Variants in PPP1R21 observed in about 807,000 individuals in gnomAD.
PPP1R21 encodes protein phosphatase 1 regulatory subunit 21.
Under a neutral mutation model 112.8 loss-of-function variants are expected in PPP1R21, and 85 were observed. That is an observed-to-expected ratio of 0.75 (90% CI 0.63 to 0.90). The LOEUF (loss-of-function observed/expected upper bound fraction) is 0.90, where lower values mean the gene tolerates loss of function less well. PPP1R21 is among the 40% of genes least tolerant of loss of function. PPP1R21 has a pLI of 0.00. For missense variants in PPP1R21, 1,199 were observed against 901.5 expected (o/e 1.33, Z -4.23); for synonymous variants, 381 against 322.3 (o/e 1.18, Z -1.95).
chr2:48,480,153 G>C (rs1485357802), intron 13 of PPP1R21, 137 bp downstream of exon 13: 1 of 668,360 alleles, frequency 1.5e-6, no homozygotes, highest in East Asian at 2.6e-5. Flanking sequence ...TATGTTGAGT[G>C]CACAGCTCAC....
At chr2:48,466,321 C>T (rs1395394951) in intron 9 of PPP1R21, among the ~76,000 whole-genome samples, 1 of 151,986 alleles carries the variant, frequency 6.6e-6, no homozygotes, top group Non-Finnish European at 1.5e-5. Context: ...AAGTGATCCT[C>T]CCACCTCAGC....
intron 1 of PPP1R21, among the ~76,000 whole-genome samples, chr2:48,448,395 C>G (rs538346504): frequency 2.2e-4 from 34 of 152,190 alleles, no homozygotes; most frequent in African/African-American, 7.7e-4. Context: ...CTGCAGTGTG[C>G]CTTAGAAATG....
At position 48,511,254 on chromosome 2, in the gene PPP1R21, C is replaced by A. The variant is rs559852694; in HGVS notation, c.2185-86C>A. On this transcript the variant is annotated intron_variant, in intron 20 of 21. Transcript: ENST00000294952. ...ATTGGGAAACTATAATTTCCCTACT[C>A]CACATTTTTCTTTTGTGAATTAAAA... 3.6e-5 allele frequency: 49 copies of A among 1,346,258 alleles called. 1 individual carries two copies. In the South Asian group the frequency reaches 6.5e-4, roughly 18 times the overall value. The allele number at this position is 1,346,258 out of a possible 1,614,324, so 83.4% of individuals were successfully genotyped here.
At chr2:48,449,036 C>T (rs888739615) in intron 1 of PPP1R21, among the ~76,000 whole-genome samples, 1 of 151,512 alleles carries the variant, frequency 6.6e-6, no homozygotes, top group African/African-American at 2.4e-5. Context: ...CTTTTTTTTT[C>T]AAGCAGGAAA....
chr2:48,512,647 A>G (rs62135171), intron 21 of PPP1R21, among the ~76,000 whole-genome samples: 35,538 of 152,174 alleles, frequency 0.23, 4,824 homozygotes, highest in Non-Finnish European at 0.31. Flanking sequence ...ATTATATATG[A>G]TTTTGTTTAT....
At position 48,450,995 on chromosome 2, in the gene PPP1R21, T is replaced by C; in HGVS notation, c.58-13T>C. The C allele has an allele frequency of 6.2e-7, 1 of 1,611,928 alleles. No individual in the cohort carries two copies. Among genetic ancestry groups the C allele is most frequent in the Non-Finnish European group, 8.5e-7 (1 of 1,178,086 alleles). On this transcript the variant is annotated splice_polypyrimidine_tract_variant and intron_variant, in intron 1 of 21. Transcript: ENST00000294952. ...TTATATTAGAAATTGATTATTGCTTTCTCTGTTTTCAGCTTCGGGCTCAGA... is the reference window on the plus strand; with the variant it reads ...TTATATTAGAAATTGATTATTGCTTCCTCTGTTTTCAGCTTCGGGCTCAGA...
chr2:48,511,504 A>G (rs776148765), intron 21 of PPP1R21, 36 bp downstream of exon 21: 12 of 1,598,094 alleles, frequency 7.5e-6, no homozygotes, highest in Non-Finnish European at 1.0e-5. Flanking sequence ...TCTCTGCAAT[A>G]TAATATTTAA....
At chr2:48,506,897 G>C (rs1275925614) in intron 18 of PPP1R21, among the ~76,000 whole-genome samples, 1 of 145,466 alleles carries the variant, frequency 6.9e-6, no homozygotes, top group Non-Finnish European at 1.5e-5. Context: ...AGTGAGCCAA[G>C]ACTGCGCCAC....
chr2:48,464,253 A>G (rs778806023), intron 7 of PPP1R21, among the ~76,000 whole-genome samples: 1 of 152,190 alleles, frequency 6.6e-6, no homozygotes, highest in South Asian at 2.1e-4. Flanking sequence ...TGACTATGCC[A>G]CAGGAACATT....
In PPP1R21 at chr2:48,495,735, C is replaced by T. The variant is rs1458562087; in HGVS notation, c.1656C>T (p.Leu552=). 1.2e-6 allele frequency: 2 copies of T among 1,612,098 alleles called. No homozygotes were observed. The highest frequency in any genetic ancestry group is 1.7e-5 in the Admixed American group (1 of 60,024). ...CACTGGCAAACCGCCGCATCCTTCT[C>T]AGCTCTACTGAAAGTCGAGAAGGCC... ...EEALANRRIL[L]SSTESREGLA... is the part of the protein sequence containing the mutation. Residue 552 remains leucine (L), a synonymous_variant, in exon 16 of 22, where the codon CTC becomes CTT. Coordinates refer to ENST00000294952, the MANE Select transcript of PPP1R21 (RefSeq NM_001135629.3).
Position 48,458,369 on chromosome 2 carries a change from C to T in PPP1R21, c.375+142C>T, listed in dbSNP as rs569126323. 2.0e-4 allele frequency: 108 copies of T among 536,938 alleles called. 1 individual carries two copies. The South Asian group carries it at 2.0e-3, about 10-fold the overall frequency. 33.3% of individuals were successfully genotyped at this position (536,938 alleles called of 1,614,324 possible). On this transcript the variant is annotated intron_variant, in intron 4 of 21. Coordinates refer to ENST00000294952, the MANE Select transcript of PPP1R21 (RefSeq NM_001135629.3). ...GGTCTTCAAGTATATATGTCACTGTCACTTATTCATTTCTTAAATATCACA... is the reference window on the plus strand; with the variant it reads ...GGTCTTCAAGTATATATGTCACTGTTACTTATTCATTTCTTAAATATCACA...
intron 11 of PPP1R21, among the ~76,000 whole-genome samples, chr2:48,472,153 T>C (rs1203478848): frequency 1.5e-5 from 2 of 131,734 alleles, no homozygotes; most frequent in East Asian, 4.3e-4. Context: ...GGCAGGAGAA[T>C]CGCTCGAACC....
rs1458562087 is a variant in PPP1R21, at chr2:48,495,735, C to G, written c.1656C>G (p.Leu552=). 1 of 1,612,098 alleles carries G rather than the reference C, an allele frequency of 6.2e-7. No individual in the cohort carries two copies. The highest frequency in any genetic ancestry group is 8.5e-7 in the Non-Finnish European group (1 of 1,178,136). Residue 552 remains leucine, a synonymous_variant, in exon 16 of 22, where the codon CTC becomes CTG. Coordinates refer to ENST00000294952, the MANE Select transcript of PPP1R21 (RefSeq NM_001135629.3). ...EEALANRRIL[L]SSTESREGLA... ...CACTGGCAAACCGCCGCATCCTTCTCAGCTCTACTGAAAGTCGAGAAGGCC... is the reference window on the plus strand; with the variant it reads ...CACTGGCAAACCGCCGCATCCTTCTGAGCTCTACTGAAAGTCGAGAAGGCC...
chr2:48,467,004 C>T (rs1296902854), intron 9 of PPP1R21, among the ~76,000 whole-genome samples: 4 of 152,168 alleles, frequency 2.6e-5, no homozygotes, highest in Admixed American at 6.5e-5. Context: ...ATTTTATTGT[C>T]GGAAAAATTA....
chr2:48,467,243 G>A (rs1380351136), intron 9 of PPP1R21, among the ~76,000 whole-genome samples: 1 of 152,034 alleles, frequency 6.6e-6, no homozygotes, highest in African/African-American at 2.4e-5. Context: ...CCTTTTTTGG[G>A]CCATTAGATT....
At chr2:48,478,885 G>C (rs892467192) in intron 12 of PPP1R21, among the ~76,000 whole-genome samples, 1 of 152,234 alleles carries the variant, frequency 6.6e-6, no homozygotes, top group African/African-American at 2.4e-5. Flanking sequence ...CTTAAGAAGA[G>C]ATTAAGAGCT....
intron 5 of PPP1R21, 64 bp downstream of exon 5, chr2:48,459,982 T>A: frequency 6.3e-7 from 1 of 1,590,898 alleles, no homozygotes; most frequent in Non-Finnish European, 8.6e-7. Flanking sequence ...AAATTGTCTA[T>A]CCACTTAGAG....
intron 21 of PPP1R21, 46 bp downstream of exon 21, chr2:48,511,514 A>G (rs1274597415): frequency 3.8e-6 from 6 of 1,594,126 alleles, no homozygotes; most frequent in Middle Eastern, 1.7e-4. Flanking sequence ...ATAATATTTA[A>G]TGTGAGGTAT....
At chr2:48,442,965 G>T (rs1203576511) in intron 1 of PPP1R21, among the ~76,000 whole-genome samples, 1 of 152,184 alleles carries the variant, frequency 6.6e-6, no homozygotes, top group African/African-American at 2.4e-5. Flanking sequence ...GATTGAAATA[G>T]GGAAAGATTG....
Sources: allele counts gnomAD v4.1 joint callset (sites outside exome capture counted in the v4.1 genomes callset), GRCh38; gene constraint gnomAD v4.1.1; transcripts MANE v1.5; gene names NCBI Gene and HGNC (gene_info 2026-07-23, HGNC 2026-07-21).